The following EPO variants were observed in gnomAD, a reference collection of about 807,000 sequenced individuals.
EPO encodes the protein erythropoietin, also known as epoetin.
Under a neutral mutation model 24.4 loss-of-function variants are expected in EPO, and 12 were observed. The observed-to-expected ratio is 0.49, with a 90% CI of 0.32 to 0.80. The LOEUF (loss-of-function observed/expected upper bound fraction) is 0.80, where lower values mean the gene tolerates loss of function less well. EPO is among the 30% of genes least tolerant of loss of function. The pLI, the probability that EPO is intolerant of heterozygous loss-of-function variation, is 0.04. For missense variants in EPO, 210 were observed against 238.0 expected (o/e 0.88, Z 0.77); for synonymous variants, 107 against 104.0 (o/e 1.03, Z -0.18).
At position 100,720,511 on chromosome 7, in the gene EPO, C is replaced by G. The variant is rs1222051082; in HGVS notation, c.-470C>G. On this transcript the variant is annotated 5_prime_UTR_variant, in exon 1 of 5. Coordinates refer to ENST00000252723, the MANE Select transcript of EPO (RefSeq NM_000799.4). Reference sequence around the variant, plus strand: ...CTCCGCCAGTCCCAAGGGTGCGCAACCGGCTGCACTCCCCTCCCGCGACCC... The same window carrying G: ...CTCCGCCAGTCCCAAGGGTGCGCAAGCGGCTGCACTCCCCTCCCGCGACCC... Among the ~76,000 whole-genome samples the G allele has an allele frequency of 1.3e-5, 2 of 152,174 alleles. No homozygotes were observed. Among genetic ancestry groups the G allele is most frequent in the African/African-American group, 2.4e-5 (1 of 41,454 alleles).
Position 100,722,057 on chromosome 7 carries a change from CTTTT to C in EPO, c.246+21_246+24del, listed in dbSNP as rs111249118. 47 of 1,381,958 alleles carry C rather than the reference CTTTT, an allele frequency of 3.4e-5. No individual in the cohort carries two copies. The highest frequency in any genetic ancestry group is 9.1e-5 in the African/African-American group (6 of 66,178). 85.6% of individuals were successfully genotyped at this position (1,381,958 alleles called of 1,614,324 possible). On this transcript the variant is annotated intron_variant, in intron 3 of 4. Coordinates refer to ENST00000252723, the MANE Select transcript of EPO (RefSeq NM_000799.4). ...CCTGGAAGAGGATGGAGGTGAGTTC[CTTTT>C]TTTTTTTTTTTCCTTTCTTTTGGAG...
Position 100,721,093 on chromosome 7 carries a change from A to C in EPO, c.13+100A>C. 4.5e-6 allele frequency: 3 copies of C among 668,898 alleles called. No individual in the cohort carries two copies. Among genetic ancestry groups the C allele is most frequent in the Non-Finnish European group, 6.3e-6 (3 of 474,608 alleles). The allele number at this position is 668,898 out of a possible 1,614,324, so 41.4% of individuals were successfully genotyped here. ...GGCCAGGAGGTGGCTGGGTTCAAGG[A>C]CCGGCGACTTGTCAAGGACCCCGGA... On this transcript the variant is annotated intron_variant, in intron 1 of 4. Coordinates refer to ENST00000252723, the MANE Select transcript of EPO (RefSeq NM_000799.4). This position sits in a 1 kb window ranked among gnomAD's most constrained non-coding sequence, Gnocchi z 4.0.
At position 100,721,020 on chromosome 7, in the gene EPO, C is replaced by T. The variant is rs1456899711; in HGVS notation, c.13+27C>T. On this transcript the variant is annotated intron_variant, in intron 1 of 4. Transcript: ENST00000252723. The surrounding 1 kb of genome is among the most constrained non-coding windows in gnomAD (Gnocchi z 4.0). ...TGAGTACTCGCGGGCTGGGCGCTCC[C>T]GCCCGCCCGGGTCCCTGTTTGAGCG... 1.3e-6 allele frequency: 2 copies of T among 1,564,816 alleles called. No homozygotes were observed. Among genetic ancestry groups the T allele is most frequent in the African/African-American group, 1.4e-5 (1 of 73,026 alleles).
rs1806781893 is a variant in EPO at position 100,723,310 on chromosome 7, C to G, written c.*177C>G. 4 of 703,226 alleles carry G rather than the reference C, an allele frequency of 5.7e-6. No homozygotes were observed. Among genetic ancestry groups the G allele is most frequent in the Non-Finnish European group, 9.2e-6 (4 of 436,578 alleles). 43.6% of individuals were successfully genotyped at this position (703,226 alleles called of 1,614,324 possible). ...GGGGCCAGAGGAACTGTCCAGAGAG[C>G]AACTCTGAGATCTAAGGATGTCACA... On this transcript the variant is annotated 3_prime_UTR_variant, in exon 5 of 5. Coordinates refer to ENST00000252723, the MANE Select transcript of EPO (RefSeq NM_000799.4).
At chr7:100,722,515 ACTC>A (rs1806758450) in intron 3 of EPO, 146 bp from the exon 4 acceptor site, 14 of 595,076 alleles carry the variant, frequency 2.4e-5, no homozygotes, top group Middle Eastern at 4.7e-4. Context: ...TCATTCACTC[ACTC>A]ACTCACTCAC....
chr7:100,721,949 G>A lies in EPO; in HGVS notation c.160-13G>A. On this transcript the variant is annotated splice_polypyrimidine_tract_variant and intron_variant, in intron 2 of 4. Coordinates refer to ENST00000252723, the MANE Select transcript of EPO (RefSeq NM_000799.4). The surrounding 1 kb of genome is among the most constrained non-coding windows in gnomAD (Gnocchi z 4.0). ...TCAGGGACCCTTGACTCCCCGGGCT[G>A]TGTGCATTTCAGACGGGCTGTGCTG... is the stretch of plus-strand genomic sequence containing the variant. The A allele has an allele frequency of 1.2e-6, 2 of 1,603,132 alleles. No individual in the cohort carries two copies. Among genetic ancestry groups the A allele is most frequent in the Non-Finnish European group, 1.7e-6 (2 of 1,177,208 alleles).
rs934210341 is a variant in EPO at position 100,721,780 on chromosome 7, T to C, written c.159+77T>C. 13 of 1,546,742 alleles carry C rather than the reference T, an allele frequency of 8.4e-6. No homozygotes were observed. Among genetic ancestry groups the C allele is most frequent in the African/African-American group, 1.4e-5 (1 of 72,986 alleles). On this transcript the variant is annotated intron_variant, in intron 2 of 4. Transcript: ENST00000252723. This position sits in a 1 kb window ranked among gnomAD's most constrained non-coding sequence, Gnocchi z 4.0. ...GGAACTCCTCCCAGATCCAGGAACC[T>C]GGCACTTGGTTTGGGGTGGAGTTGG...
At chr7:100,722,225 T>G (rs1806752921) in intron 3 of EPO, among the ~76,000 whole-genome samples, 177 bp downstream of exon 3, 1 of 152,008 alleles carries the variant, frequency 6.6e-6, no homozygotes, top group Non-Finnish European at 1.5e-5. Flanking sequence ...GATGGGAGAA[T>G]TGCTTGAGCC....
Position 100,723,240 on chromosome 7 carries a change from G to C in EPO, c.*107G>C. 2.2e-6 allele frequency: 3 copies of C among 1,365,962 alleles called. No homozygotes were observed. The highest frequency in any genetic ancestry group is 3.0e-6 in the Non-Finnish European group (3 of 991,316). The allele number at this position is 1,365,962 out of a possible 1,614,324, so 84.6% of individuals were successfully genotyped here. On this transcript the variant is annotated 3_prime_UTR_variant, in exon 5 of 5. Transcript: ENST00000252723. ...CCCGTCGAGGGGCTCTCAGCTCAGCGCCAGCCTGTCCCATGGACACTCCAG... is the reference window on the plus strand; with the variant it reads ...CCCGTCGAGGGGCTCTCAGCTCAGCCCCAGCCTGTCCCATGGACACTCCAG...
In EPO at chr7:100,721,820, C is replaced by T. The variant is rs776629718; in HGVS notation, c.159+117C>T. On this transcript the variant is annotated intron_variant, in intron 2 of 4. Coordinates refer to ENST00000252723, the MANE Select transcript of EPO (RefSeq NM_000799.4). The surrounding 1 kb of genome is among the most constrained non-coding windows in gnomAD (Gnocchi z 4.0). Reference sequence around the variant, plus strand: ...GGTGGAGTTGGGAAGCTAGACACTGCCCCCCTACATAAGAATAAGTCTGGT... The same window carrying T: ...GGTGGAGTTGGGAAGCTAGACACTGTCCCCCTACATAAGAATAAGTCTGGT... The T allele has an allele frequency of 5.0e-4, 753 of 1,494,140 alleles. 2 individuals carry two copies. Among genetic ancestry groups the T allele is most frequent in the Non-Finnish European group, 6.4e-4 (710 of 1,113,656 alleles). The allele number at this position is 1,494,140 out of a possible 1,614,324, so 92.6% of individuals were successfully genotyped here.
In EPO at chr7:100,721,532, A is replaced by C; in HGVS notation, c.14-26A>C. The C allele has an allele frequency of 6.2e-7, 1 of 1,607,082 alleles. No individual in the cohort carries two copies. The highest frequency in any genetic ancestry group is 8.5e-7 in the Non-Finnish European group (1 of 1,176,082). ...AGCCACCCTTCTCCCTCCCCGCCTG[A>C]CTCTCAGCCTGGCTATCTGTTCTAG... On this transcript the variant is annotated intron_variant, in intron 1 of 4. Transcript: ENST00000252723. The surrounding 1 kb of genome is among the most constrained non-coding windows in gnomAD (Gnocchi z 4.0).
intron 3 of EPO, 140 bp from the exon 4 acceptor site, chr7:100,722,521 TCAC>T (rs774856627): frequency 0.044 from 27,652 of 635,468 alleles, 847 homozygotes; most frequent in Middle Eastern, 0.14. Context: ...ACTCACTCAC[TCAC>T]TCACTCATTC....
rs192883541 is a variant in EPO at position 100,723,239 on chromosome 7, C to T, written c.*106C>T. The T allele has an allele frequency of 3.1e-5, 43 of 1,367,636 alleles. No homozygotes were observed. The Admixed American group carries it at 7.0e-4, about 22-fold the overall frequency. 84.7% of individuals were successfully genotyped at this position (1,367,636 alleles called of 1,614,324 possible). ...CCCCGTCGAGGGGCTCTCAGCTCAG[C>T]GCCAGCCTGTCCCATGGACACTCCA... On this transcript the variant is annotated 3_prime_UTR_variant, in exon 5 of 5. Transcript: ENST00000252723.
Position 100,720,681 on chromosome 7 carries a change from T to A in EPO, c.-300T>A. The A allele has an allele frequency of 3.3e-6, 1 of 303,322 alleles. No individual in the cohort carries two copies. Among genetic ancestry groups the A allele is most frequent in the Non-Finnish European group, 5.9e-6 (1 of 170,242 alleles). 18.8% of individuals were successfully genotyped at this position (303,322 alleles called of 1,614,324 possible). A position where few individuals can be genotyped will look rare whatever the true frequency, so the allele number is the denominator to read the frequency against. On this transcript the variant is annotated 5_prime_UTR_variant, in exon 1 of 5. Transcript: ENST00000252723. ...GGCGACCCCTCACGCACACAGCCTC[T>A]CCCCCACCCCCACCCGCGCACGCAC... is the stretch of plus-strand genomic sequence containing the variant.
Position 100,721,020 on chromosome 7 carries a change from C to A in EPO, c.13+27C>A, listed in dbSNP as rs1456899711. ...TGAGTACTCGCGGGCTGGGCGCTCC[C>A]GCCCGCCCGGGTCCCTGTTTGAGCG... is the stretch of plus-strand genomic sequence containing the variant. On this transcript the variant is annotated intron_variant, in intron 1 of 4. Transcript: ENST00000252723. The surrounding 1 kb of genome is among the most constrained non-coding windows in gnomAD (Gnocchi z 4.0). 23 of 1,564,698 alleles carry A rather than the reference C, an allele frequency of 1.5e-5. No individual in the cohort carries two copies. The East Asian group carries it at 5.3e-4, about 36-fold the overall frequency.
chr7:100,720,838 C>T lies in EPO; in HGVS notation c.-143C>T, dbSNP rs1806728173. 2.9e-6 allele frequency: 3 copies of T among 1,042,602 alleles called. No homozygotes were observed. The highest frequency in any genetic ancestry group is 3.8e-6 in the Non-Finnish European group (3 of 792,530). The allele number at this position is 1,042,602 out of a possible 1,614,324, so 64.6% of individuals were successfully genotyped here. ...CGGGGCCACCGCGCCCGCTCTGCTC[C>T]GACACCGCGCCCCCTGGACAGCCGC... On this transcript the variant is annotated 5_prime_UTR_variant, in exon 1 of 5. An upstream open reading frame in the 5' UTR gains an earlier in-frame stop. Coordinates refer to ENST00000252723, the MANE Select transcript of EPO (RefSeq NM_000799.4).
At position 100,721,415 on chromosome 7, in the gene EPO, C is replaced by T. The variant is rs1806737607; in HGVS notation, c.14-143C>T. ...ACACGGCAGCAGGATTGAATGAAGG[C>T]CAGGGAGGCAGCACCTGAGTGCTTG... On this transcript the variant is annotated intron_variant, in intron 1 of 4. Coordinates refer to ENST00000252723, the MANE Select transcript of EPO (RefSeq NM_000799.4). The surrounding 1 kb of genome is among the most constrained non-coding windows in gnomAD (Gnocchi z 4.0). 1 of 1,085,396 alleles carries T rather than the reference C, an allele frequency of 9.2e-7. No homozygotes were observed. The highest frequency in any genetic ancestry group is 1.3e-6 in the Non-Finnish European group (1 of 768,114). 67.2% of individuals were successfully genotyped at this position (1,085,396 alleles called of 1,614,324 possible).
chr7:100,722,997 C>A lies in EPO; in HGVS notation c.446C>A (p.Pro149Gln). 3 of 1,614,090 alleles carry A rather than the reference C, an allele frequency of 1.9e-6. No individual in the cohort carries two copies. Among genetic ancestry groups the A allele is most frequent in the Non-Finnish European group, 1.7e-6 (2 of 1,179,980 alleles). ...LGAQKEAISPPDAASAAPLRT... is the reference protein window; with the variant it reads ...LGAQKEAISPQDAASAAPLRT... ...TGGCAGAAGGAAGCCATCTCCCCTC[C>A]AGATGCGGCCTCAGCTGCTCCACTC... The change falls in exon 5 of 5, where the codon CCA (proline) becomes CAA (glutamine). Residue 149 changes from proline to glutamine, a missense_variant. Transcript: ENST00000252723.
chr7:100,721,778 C>A lies in EPO; in HGVS notation c.159+75C>A. The A allele has an allele frequency of 6.5e-7, 1 of 1,549,258 alleles. No homozygotes were observed. The highest frequency in any genetic ancestry group is 8.7e-7 in the Non-Finnish European group (1 of 1,152,868). Reference sequence around the variant, plus strand: ...AGGGAACTCCTCCCAGATCCAGGAACCTGGCACTTGGTTTGGGGTGGAGTT... The same window carrying A: ...AGGGAACTCCTCCCAGATCCAGGAAACTGGCACTTGGTTTGGGGTGGAGTT... On this transcript the variant is annotated intron_variant, in intron 2 of 4. Transcript: ENST00000252723. The surrounding 1 kb of genome is among the most constrained non-coding windows in gnomAD (Gnocchi z 4.0).
Sources: gnomAD v4.1 joint callset for allele counts (sites outside exome capture counted in the v4.1 genomes callset) on GRCh38, gnomAD v4.1.1 for gene constraint, Gnocchi (gnomAD v3.1) non-coding constraint, MANE v1.5 for transcripts, NCBI Gene and HGNC (gene_info 2026-07-23, HGNC 2026-07-21) for gene names.